The following VKORC1L1 variants were observed in gnomAD, a reference collection of about 807,000 sequenced individuals.
The protein encoded by VKORC1L1 is vitamin K epoxide reductase complex subunit 1L1, also known as vitamin K epoxide reductase complex subunit 1-like protein 1.
Under a neutral mutation model 18.9 loss-of-function variants are expected in VKORC1L1, and 2 were observed. That is an observed-to-expected ratio of 0.11 (90% CI 0.04 to 0.33). The LOEUF is 0.33. Among genes scored for constraint, VKORC1L1 ranks in the 10% least tolerant of loss-of-function variants. The probability of loss-of-function intolerance (pLI) is 1.00; values close to 1 mark genes in which losing one functional copy is unlikely to be tolerated. For synonymous variants in VKORC1L1, 96 were observed against 100.0 expected, an observed-to-expected ratio of 0.96 and a Z score of 0.24; for missense variants, 123 against 224.1, an observed-to-expected ratio of 0.55 and a Z score of 2.88.
chr7:65,897,430 T>C (rs756639541), intron 1 of VKORC1L1, among the ~76,000 whole-genome samples: 2 of 152,202 alleles, frequency 1.3e-5, no homozygotes, highest in Non-Finnish European at 1.5e-5. Flanking sequence ...TCCATTAAAG[T>C]TTAAGAATGC....
At chr7:65,895,516 T>TATAC (rs370356956) in intron 1 of VKORC1L1, among the ~76,000 whole-genome samples, 101 of 71,510 alleles carry the variant, frequency 1.4e-3, no homozygotes, top group Non-Finnish European at 2.4e-3. Context: ...TATATATATA[T>TATAC]ACACACACAC....
At chr7:65,888,815 C>T (rs542295044) in intron 1 of VKORC1L1, among the ~76,000 whole-genome samples, 1 of 152,292 alleles carries the variant, frequency 6.6e-6, no homozygotes, top group African/African-American at 2.4e-5. Context: ...GAAAGAAGAG[C>T]TCAGCCTTGA....
intron 1 of VKORC1L1, among the ~76,000 whole-genome samples, chr7:65,875,265 TG>T (rs1288315747): frequency 1.3e-5 from 2 of 152,226 alleles, no homozygotes; most frequent in Non-Finnish European, 2.9e-5. Context: ...CAAATCAACT[TG>T]TTTTGCAGGT....
intron 1 of VKORC1L1, among the ~76,000 whole-genome samples, chr7:65,929,650 A>ATATG (rs1418494043): frequency 7.2e-6 from 1 of 138,422 alleles, no homozygotes; most frequent in East Asian, 2.1e-4. Flanking sequence ...ATATATATAT[A>ATATG]TATGTATGTG....
rs898848665 is a variant in VKORC1L1 at position 65,937,116 on chromosome 7, T to C, written c.195-11555T>C. 1.0e-4 allele frequency among the ~76,000 whole-genome samples: 15 copies of C among 144,420 alleles called. 1 individual carries two copies. Among genetic ancestry groups the C allele is most frequent in the South Asian group, 6.4e-4 (3 of 4,714 alleles). The allele number at this position is 144,420 out of a possible 152,430, so 94.7% of individuals were successfully genotyped here. On this transcript the variant is annotated intron_variant, in intron 1 of 2. Transcript: ENST00000360768. Reference sequence around the variant, plus strand: ...AGAAAGAAGTTTTATGGGTTTTGTTTTGTTGTTGTTGTTGTTGTTGTTTTG... The same window carrying C: ...AGAAAGAAGTTTTATGGGTTTTGTTCTGTTGTTGTTGTTGTTGTTGTTTTG...
intron 1 of VKORC1L1, among the ~76,000 whole-genome samples, chr7:65,894,467 G>A (rs1353558227): frequency 2.6e-5 from 4 of 152,072 alleles, no homozygotes; most frequent in South Asian, 2.1e-4. Flanking sequence ...AATTGGGGCC[G>A]GGCACGGTGG....
rs73370609 is a variant in VKORC1L1 at position 65,881,289 on chromosome 7, A to G, written c.194+7724A>G. Among the ~76,000 whole-genome samples, 221 of 152,362 alleles carry G rather than the reference A, an allele frequency of 1.5e-3. 1 individual carries two copies. Among genetic ancestry groups the G allele is most frequent in the African/African-American group, 5.2e-3 (215 of 41,580 alleles). On this transcript the variant is annotated intron_variant, in intron 1 of 2. Transcript: ENST00000360768. ...TAAAATATTATAAATGTTTATACAC[A>G]GTCAAATGAATCTCATGCTAAATTT...
At chr7:65,871,434 C>T (rs1788724628), upstream of VKORC1L1, among the ~76,000 whole-genome samples, 1 of 152,112 alleles carries the variant, frequency 6.6e-6, no homozygotes, top group Non-Finnish European at 1.5e-5. Flanking sequence ...ACCTCAGGTG[C>T]TCTACCCACC....
At chr7:65,928,315 T>C in intron 1 of VKORC1L1, among the ~76,000 whole-genome samples, 1 of 144,892 alleles carries the variant, frequency 6.9e-6, no homozygotes, top group Middle Eastern at 3.2e-3. Flanking sequence ...GGTCTTGAAC[T>C]CCTGGGATCA....
At chr7:65,895,544 A>G (rs964154990) in intron 1 of VKORC1L1, among the ~76,000 whole-genome samples, 2 of 124,974 alleles carry the variant, frequency 1.6e-5, no homozygotes, top group African/African-American at 5.5e-5. Context: ...CACACATATA[A>G]TTTGTGAATT....
chr7:65,888,764 A>G (rs1006264364), intron 1 of VKORC1L1, among the ~76,000 whole-genome samples: 3 of 152,204 alleles, frequency 2.0e-5, no homozygotes, highest in African/African-American at 4.8e-5. Context: ...AGACCCAATC[A>G]GTGTTCTCAC....
chr7:65,900,601 G>A (rs371216906), intron 1 of VKORC1L1, among the ~76,000 whole-genome samples: 3 of 152,010 alleles, frequency 2.0e-5, no homozygotes, highest in Non-Finnish European at 2.9e-5. Flanking sequence ...CCAGGAGTTC[G>A]AGACCAGCCT....
chr7:65,873,556 T>A lies in VKORC1L1; in HGVS notation c.185T>A (p.Leu62His). ...CCCTGGGTGAAGTGCTCCGCCGCCC[T>A]TGCCTCCAGGTAGCCGGCTTGGGGG... ...LGPWVKCSAA[L>H]ASRWGRGFGL... Residue 62 changes from leucine to histidine, a missense_variant, in exon 1 of 3, where the codon CTT becomes CAT. Physicochemically the swap from Leu to His is moderately conservative, Grantham distance 99. Coordinates refer to ENST00000360768, the MANE Select transcript of VKORC1L1 (RefSeq NM_173517.6). 1 of 1,551,494 alleles carries A rather than the reference T, an allele frequency of 6.4e-7. No homozygotes were observed. The highest frequency in any genetic ancestry group is 8.7e-7 in the Non-Finnish European group (1 of 1,152,336).
chr7:65,905,673 A>AT (rs1189968696), intron 1 of VKORC1L1, among the ~76,000 whole-genome samples: 1 of 152,038 alleles, frequency 6.6e-6, no homozygotes, highest in Non-Finnish European at 1.5e-5. Context: ...TACATCATTG[A>AT]TTTTTTTGGC....
intron 1 of VKORC1L1, among the ~76,000 whole-genome samples, chr7:65,937,684 C>T (rs1789965956): frequency 6.6e-6 from 1 of 152,056 alleles, no homozygotes; most frequent in Non-Finnish European, 1.5e-5. Context: ...AAAGTGCTGG[C>T]ATTACAGGCG....
chr7:65,884,705 A>G (rs745406709), intron 1 of VKORC1L1, among the ~76,000 whole-genome samples: 37 of 152,358 alleles, frequency 2.4e-4, no homozygotes, highest in Middle Eastern at 3.4e-3. Context: ...ATAGAATATT[A>G]GGTGCCCTGT....
intron 2 of VKORC1L1, among the ~76,000 whole-genome samples, chr7:65,949,238 G>A (rs1583868459): frequency 6.6e-6 from 1 of 152,048 alleles, no homozygotes; most frequent in East Asian, 1.9e-4. Context: ...CCAGCACTTA[G>A]GGAGGCCAAG....
intron 1 of VKORC1L1, among the ~76,000 whole-genome samples, chr7:65,942,960 A>G (rs1229673194): frequency 6.6e-6 from 1 of 152,248 alleles, no homozygotes; most frequent in South Asian, 2.1e-4. Context: ...GTCAGACAAT[A>G]TAGTGATAAC....
the VKORC1L1 span, among the ~76,000 whole-genome samples, chr7:65,866,908 G>C: frequency 1.3e-5 from 2 of 151,992 alleles, no homozygotes; most frequent in Non-Finnish European, 2.9e-5. Flanking sequence ...AATAGAAGAA[G>C]AGCTGGGTGT....
Sources: allele counts gnomAD v4.1 joint callset (sites outside exome capture counted in the v4.1 genomes callset), GRCh38; gene constraint gnomAD v4.1.1; transcripts MANE v1.5; gene names NCBI Gene and HGNC (gene_info 2026-07-23, HGNC 2026-07-21).